EXOC3L2: variants seen among roughly 807,000 people sequenced by gnomAD.
EXOC3L2 encodes the protein exocyst complex component 3 like 2.
Under a neutral mutation model 44.4 loss-of-function variants are expected in EXOC3L2, and 17 were observed. That is an observed-to-expected ratio of 0.38 (90% CI 0.26 to 0.57). EXOC3L2 has a LOEUF of 0.57. Among genes scored for constraint, EXOC3L2 ranks in the 20% least tolerant of loss-of-function variants. The pLI, the probability that EXOC3L2 is intolerant of heterozygous loss-of-function variation, is 0.65. For synonymous variants in EXOC3L2, 256 were observed against 253.7 expected, an observed-to-expected ratio of 1.01 and a Z score of -0.09; for missense variants, 541 against 588.4, an observed-to-expected ratio of 0.92 and a Z score of 0.83.
In EXOC3L2 at chr19:45,222,620, C is replaced by G. The variant is rs185002523; in HGVS notation, c.1719+2158G>C. On this transcript the variant is annotated intron_variant, in intron 8 of 11. Coordinates refer to ENST00000413988, the MANE Select transcript of EXOC3L2 (RefSeq NM_001382422.1). ...TCCCTGTTTCTTTTGCTTCTGCTCT[C>G]TCTGTCTGTGTCTCTCTCTCCCTCA... Among the ~76,000 whole-genome samples, 434 of 152,284 alleles carry G rather than the reference C, an allele frequency of 2.8e-3. 4 individuals carry two copies. The highest frequency in any genetic ancestry group is 0.01 in the African/African-American group (417 of 41,570).
At chr19:45,224,638 T>C (rs1332413251) in intron 8 of EXOC3L2, 140 bp downstream of exon 8, 2 of 1,271,628 alleles carry the variant, frequency 1.6e-6, no homozygotes, top group East Asian at 2.9e-5. Context: ...AGCCCAGGCA[T>C]GGCCTTAACT....
intron 3 of EXOC3L2, among the ~76,000 whole-genome samples, chr19:45,232,119 G>A (rs193056445): frequency 3.3e-5 from 5 of 152,252 alleles, no homozygotes; most frequent in Admixed American, 3.3e-4. Context: ...GTCCAGGCTT[G>A]AAGATCTGAC....
At position 45,216,159 on chromosome 19, in the gene EXOC3L2, G is replaced by C; in HGVS notation, c.2034C>G (p.Pro678=). 1.2e-6 allele frequency: 2 copies of C among 1,613,950 alleles called. No individual in the cohort carries two copies. The highest frequency in any genetic ancestry group is 2.7e-5 in the African/African-American group (2 of 75,022). The change falls in exon 11 of 12, where the codon CCC becomes CCG. Residue 678 remains proline, a synonymous_variant. Coordinates refer to ENST00000413988, the MANE Select transcript of EXOC3L2 (RefSeq NM_001382422.1). The stretch of plus-strand genomic sequence containing the variant: ...CCAGCTGCATGACTTCAGCCAAATG[G>C]GGCACCACGGCATCCAGCCACGAGG... ...SQASWLDAVV[P]HLAEVMQLED...
intron 10 of EXOC3L2, 114 bp from the exon 11 acceptor site, chr19:45,216,308 G>T: frequency 7.2e-7 from 1 of 1,397,854 alleles, no homozygotes; most frequent in African/African-American, 1.4e-5. Context: ...AGGGGTGGTG[G>T]CTCAAGCCTG....
At position 45,213,015 on chromosome 19, in the gene EXOC3L2, G is replaced by T; in HGVS notation, c.*54C>A. The stretch of plus-strand genomic sequence containing the variant: ...AGTCAGGAGGGGCGCCGTACGGGAG[G>T]TTGGCTTGTCAGCAGCATAGATGGG... On this transcript the variant is annotated 3_prime_UTR_variant, in exon 12 of 12. Coordinates refer to ENST00000413988, the MANE Select transcript of EXOC3L2 (RefSeq NM_001382422.1). The T allele has an allele frequency of 7.0e-7, 1 of 1,427,280 alleles. No homozygotes were observed. The highest frequency in any genetic ancestry group is 9.1e-7 in the Non-Finnish European group (1 of 1,096,014). The allele number at this position is 1,427,280 out of a possible 1,614,324, so 88.4% of individuals were successfully genotyped here. A position where few individuals can be genotyped will look rare whatever the true frequency, so the allele number is the denominator to read the frequency against.
In EXOC3L2 at chr19:45,213,012, G is replaced by A; in HGVS notation, c.*57C>T. On this transcript the variant is annotated 3_prime_UTR_variant, in exon 12 of 12. Coordinates refer to ENST00000413988, the MANE Select transcript of EXOC3L2 (RefSeq NM_001382422.1). ...GGGAGTCAGGAGGGGCGCCGTACGG[G>A]AGGTTGGCTTGTCAGCAGCATAGAT... is the stretch of plus-strand genomic sequence containing the variant. 3 of 1,424,988 alleles carry A rather than the reference G, an allele frequency of 2.1e-6. No homozygotes were observed. Among genetic ancestry groups the A allele is most frequent in the Non-Finnish European group, 1.8e-6 (2 of 1,094,818 alleles). 88.3% of individuals were successfully genotyped at this position (1,424,988 alleles called of 1,614,324 possible). A position where few individuals can be genotyped will look rare whatever the true frequency, so the allele number is the denominator to read the frequency against.
chr19:45,231,812 G>A lies in EXOC3L2; in HGVS notation c.1220C>T (p.Ser407Phe). 6.2e-7 allele frequency: 1 copy of A among 1,611,114 alleles called. No homozygotes were observed. ...LENGELGPLLSPGTLRGLEDE... is the reference protein window; with the variant it reads ...LENGELGPLLFPGTLRGLEDE... ...CTCCAAACCCCGCAGGGTGCCAGGG[G>A]AGAGAAGGGGCCCCAGCTCCCCATT... Residue 407 changes from serine to phenylalanine, a missense_variant, in exon 4 of 12, where the codon TCC becomes TTC. Physicochemically the swap from Ser to Phe is radical, Grantham distance 155. Transcript: ENST00000413988.
chr19:45,223,848 G>A (rs1243741911), intron 8 of EXOC3L2, among the ~76,000 whole-genome samples: 1 of 151,836 alleles, frequency 6.6e-6, no homozygotes, highest in Non-Finnish European at 1.5e-5. Flanking sequence ...AAAAAAATTA[G>A]CTGGGCGTGG....
intron 3 of EXOC3L2, among the ~76,000 whole-genome samples, chr19:45,233,960 A>C (rs346750): frequency 0.4 from 61,492 of 151,978 alleles, 13,044 homozygotes; most frequent in African/African-American, 0.52. Context: ...CGGAGCTCTT[A>C]TTCTAGGACT....
intron 6 of EXOC3L2, 69 bp downstream of exon 6, chr19:45,227,905 C>T: frequency 6.5e-7 from 1 of 1,543,724 alleles, no homozygotes; most frequent in Non-Finnish European, 8.8e-7. Flanking sequence ...TCTCTCCTCT[C>T]TCTATTGGAT....
chr19:45,244,641 C>T (rs1441001735), intron 1 of EXOC3L2, among the ~76,000 whole-genome samples: 1 of 152,190 alleles, frequency 6.6e-6, no homozygotes, highest in East Asian at 1.9e-4. Flanking sequence ...GAGCTTCCCT[C>T]TTTGAGCCCC....
At chr19:45,235,813 C>G (rs1382550208) in intron 2 of EXOC3L2, among the ~76,000 whole-genome samples, 1 of 152,172 alleles carries the variant, frequency 6.6e-6, no homozygotes, top group Non-Finnish European at 1.5e-5. Context: ...GCTGAAATAG[C>G]CTCTGGCCAG....
rs1483470368 is a variant in EXOC3L2, at chr19:45,231,747, G to A, written c.1269+16C>T. ...CCACAGCACCTCCTGCTTCCAAAAT[G>A]CAAAGTTCCAGGTACCTTAACATCT... On this transcript the variant is annotated intron_variant, in intron 4 of 11. Coordinates refer to ENST00000413988, the MANE Select transcript of EXOC3L2 (RefSeq NM_001382422.1). 6.3e-6 allele frequency: 10 copies of A among 1,590,744 alleles called. No homozygotes were observed. The highest frequency in any genetic ancestry group is 1.3e-5 in the African/African-American group (1 of 74,552).
intron 9 of EXOC3L2, 39 bp downstream of exon 9, chr19:45,218,158 T>TTGC: frequency 8.6e-5 from 89 of 1,034,884 alleles, no homozygotes; most frequent in Middle Eastern, 3.5e-4. Flanking sequence ...TCCCCTCTTT[T>TTGC]CCCCCACCCC....
intron 9 of EXOC3L2, 67 bp from the exon 10 acceptor site, chr19:45,217,750 T>A: frequency 2.2e-6 from 3 of 1,378,712 alleles, no homozygotes; most frequent in Non-Finnish European, 1.9e-6. Context: ...CCCGCCAGTC[T>A]GAAGGCCACC....
At chr19:45,229,914 A>G (rs540396544) in intron 4 of EXOC3L2, among the ~76,000 whole-genome samples, 23 of 148,510 alleles carry the variant, frequency 1.5e-4, no homozygotes, top group Admixed American at 1.5e-3. Context: ...TATTTATAAT[A>G]TACACATTTA....
intron 4 of EXOC3L2, among the ~76,000 whole-genome samples, chr19:45,229,213 T>A (rs184194153): frequency 7.3e-5 from 9 of 123,702 alleles, no homozygotes; most frequent in African/African-American, 2.7e-4. Context: ...TATATTTATG[T>A]ATTAAATATA....
intron 4 of EXOC3L2, among the ~76,000 whole-genome samples, chr19:45,231,194 G>T (rs924934527): frequency 6.6e-6 from 1 of 152,202 alleles, no homozygotes; most frequent in Non-Finnish European, 1.5e-5. Context: ...TTCTGTGGCT[G>T]GAAGTAGGAC....
intron 9 of EXOC3L2, 136 bp from the exon 10 acceptor site, chr19:45,217,819 G>A: frequency 2.8e-6 from 3 of 1,060,704 alleles, no homozygotes; most frequent in Non-Finnish European, 3.8e-6. Context: ...CCGTGCCCAC[G>A]CCCCAGTCCC....
Sources: allele counts gnomAD v4.1 joint callset (sites outside exome capture counted in the v4.1 genomes callset), GRCh38; gene constraint gnomAD v4.1.1; transcripts MANE v1.5; gene names NCBI Gene and HGNC (gene_info 2026-07-23, HGNC 2026-07-21).